Variants in SLC39A14 observed in about 807,000 individuals in gnomAD.
The protein encoded by SLC39A14 is metal cation symporter ZIP14.
A neutral mutation model predicts 45.5 loss-of-function variants in SLC39A14; 19 were observed. The ratio of observed to expected loss-of-function variants is 0.42; its 90% confidence interval spans 0.29 to 0.61. The LOEUF (loss-of-function observed/expected upper bound fraction) is 0.61, where lower values mean the gene tolerates loss of function less well. Ranked by LOEUF, SLC39A14 falls within the 20% of genes least tolerant of loss-of-function variation. The pLI is 0.22. For synonymous variants in SLC39A14, 264 were observed against 251.3 expected (o/e 1.05, Z -0.48); for missense variants, 447 against 616.5 (o/e 0.73, Z 2.91).
chr8:22,421,710 A>G lies in SLC39A14; in HGVS notation c.*2012A>G. ...TAACTCGCATTGATGTATTAAATTT[A>G]TAATTTTAGCATTCCCAATAGATCC... On this transcript the variant is annotated 3_prime_UTR_variant, in exon 9 of 9. Coordinates refer to ENST00000381237, the MANE Select transcript of SLC39A14 (RefSeq NM_001128431.4). The G allele has an allele frequency of 1.0e-6, 1 of 984,770 alleles. No individual in the cohort carries two copies. Among genetic ancestry groups the G allele is most frequent in the South Asian group, 4.7e-5 (1 of 21,268 alleles). 61.0% of individuals were successfully genotyped at this position (984,770 alleles called of 1,614,324 possible).
Position 22,375,390 on chromosome 8 carries a change from GT to G in SLC39A14, c.-16+7992del, listed in dbSNP as rs374421863. Among the ~76,000 whole-genome samples the G allele has an allele frequency of 9.9e-3, 1,432 of 145,344 alleles. 21 individuals are homozygous for G. Among genetic ancestry groups the G allele is most frequent in the African/African-American group, 0.034 (1,360 of 39,862 alleles). On this transcript the variant is annotated intron_variant, in intron 1 of 8. Transcript: ENST00000381237. ...CATATTGGCATATTTCCTTACAGTTGTTTTTTTTTTGGGGGGAGGGGATACA... is the reference window on the plus strand; with the variant it reads ...CATATTGGCATATTTCCTTACAGTTGTTTTTTTTTGGGGGGAGGGGATACA...
At chr8:22,430,800 G>A (rs1479465699) in intron 8 of SLC39A14, among the ~76,000 whole-genome samples, 5 of 151,840 alleles carry the variant, frequency 3.3e-5, no homozygotes, top group African/African-American at 1.2e-4. Flanking sequence ...AGCCTCCTGT[G>A]TAGTTGGGAT....
At chr8:22,385,215 T>G (rs1223747327) in intron 1 of SLC39A14, among the ~76,000 whole-genome samples, 1 of 152,144 alleles carries the variant, frequency 6.6e-6, no homozygotes, top group African/African-American at 2.4e-5. Context: ...CAAGGTTGCT[T>G]GTAGTTCACC....
intron 1 of SLC39A14, among the ~76,000 whole-genome samples, chr8:22,375,747 C>T (rs1833183398): frequency 6.6e-6 from 1 of 152,174 alleles, no homozygotes; most frequent in Admixed American, 6.5e-5. Context: ...CTTGGCTTAC[C>T]AAAGTGCTGG....
chr8:22,397,483 C>A (rs1047629262), intron 1 of SLC39A14, among the ~76,000 whole-genome samples: 1 of 152,012 alleles, frequency 6.6e-6, no homozygotes, highest in Non-Finnish European at 1.5e-5. Flanking sequence ...GAGGCTGAGG[C>A]GGGAGAATGG....
chr8:22,386,267 CT>C (rs113517662), intron 1 of SLC39A14, among the ~76,000 whole-genome samples: 4,979 of 131,788 alleles, frequency 0.038, 191 homozygotes, highest in African/African-American at 0.12. Context: ...AGAAGGATGA[CT>C]TTTTTTTTTT....
At chr8:22,412,283 T>C (rs1402242816) in intron 4 of SLC39A14, 77 bp downstream of exon 4, 2 of 1,434,090 alleles carry the variant, frequency 1.4e-6, no homozygotes, top group South Asian at 1.3e-5. Context: ...ATAGAAGGCA[T>C]AGAGAGGGCA....
rs928541870 is a variant in SLC39A14 at position 22,421,378 on chromosome 8, CTTTT to C, written c.*1684_*1687del. 9 of 985,666 alleles carry C rather than the reference CTTTT, an allele frequency of 9.1e-6. No individual in the cohort carries two copies. The South Asian group carries it at 1.4e-4, about 15-fold the overall frequency. 61.1% of individuals were successfully genotyped at this position (985,666 alleles called of 1,614,324 possible). A position where few individuals can be genotyped will look rare whatever the true frequency, so the allele number is the denominator to read the frequency against. On this transcript the variant is annotated 3_prime_UTR_variant, in exon 9 of 9. Transcript: ENST00000381237. ...TGAGCAGGAAAAACTGCTGGTGATA[CTTTT>C]TTTAAGTTTTGTTTTTATCTTGCCT...
intron 1 of SLC39A14, chr8:22,390,548 A>C (rs1159771284): frequency 6.5e-6 from 1 of 152,852 alleles, no homozygotes; most frequent in Non-Finnish European, 1.5e-5. Context: ...TGATCTGCCC[A>C]CCTCGGCCTC....
At chr8:22,398,207 C>A (rs139690422) in intron 1 of SLC39A14, 1 of 152,166 alleles carries the variant, frequency 6.6e-6, no homozygotes, top group Non-Finnish European at 1.5e-5. Context: ...TTGTGTAGAC[C>A]ATCAGCCTTC....
rs188857128 is a variant in SLC39A14, at chr8:22,407,861, C to T, written c.271-449C>T. ...CAGTAGTTGAGAGTACAGGTATGTG[C>T]CGCCACACCTCACTAATTTTTCAAC... On this transcript the variant is annotated intron_variant, in intron 2 of 8. Coordinates refer to ENST00000381237, the MANE Select transcript of SLC39A14 (RefSeq NM_001128431.4). Among the ~76,000 whole-genome samples, 28 of 152,080 alleles carry T rather than the reference C, an allele frequency of 1.8e-4. 1 individual carries two copies. In the East Asian group the frequency reaches 4.5e-3, roughly 24 times the overall value.
intron 2 of SLC39A14, among the ~76,000 whole-genome samples, 194 bp downstream of exon 2, chr8:22,405,174 A>C (rs1348601087): frequency 6.6e-6 from 1 of 152,250 alleles, no homozygotes; most frequent in Non-Finnish European, 1.5e-5. Flanking sequence ...AGTCTTCTGC[A>C]GCACCTTCTG....
Position 22,422,284 on chromosome 8 carries a change from C to T in SLC39A14, c.*2586C>T. 1 of 985,650 alleles carries T rather than the reference C, an allele frequency of 1.0e-6. No individual in the cohort carries two copies. Among genetic ancestry groups the T allele is most frequent in the Non-Finnish European group, 1.2e-6 (1 of 829,942 alleles). 61.1% of individuals were successfully genotyped at this position (985,650 alleles called of 1,614,324 possible). A position where few individuals can be genotyped will look rare whatever the true frequency, so the allele number is the denominator to read the frequency against. On this transcript the variant is annotated 3_prime_UTR_variant, in exon 9 of 9. Transcript: ENST00000381237. ...CAGGGACAGGGGTTCTGCTCCTTCT[C>T]ACTTCACCACCGGCACACAGCTTGC...
At position 22,419,848 on chromosome 8, in the gene SLC39A14, T is replaced by C; in HGVS notation, c.*150T>C. 7.3e-7 allele frequency: 1 copy of C among 1,367,234 alleles called. No homozygotes were observed. The highest frequency in any genetic ancestry group is 9.4e-7 in the Non-Finnish European group (1 of 1,062,932). The allele number at this position is 1,367,234 out of a possible 1,614,324, so 84.7% of individuals were successfully genotyped here. ...ATTCCTGCATTCAAATGTCAGCCGT[T>C]TGTAAAATGCTGTATCCTAGGAATA... On this transcript the variant is annotated 3_prime_UTR_variant, in exon 9 of 9. Transcript: ENST00000381237.
At chr8:22,380,453 A>C (rs1833444585) in intron 1 of SLC39A14, among the ~76,000 whole-genome samples, 1 of 152,188 alleles carries the variant, frequency 6.6e-6, no homozygotes, top group Non-Finnish European at 1.5e-5. Flanking sequence ...GCACCTCTCT[A>C]GCCCGAGGTG....
chr8:22,410,293 C>T (rs1835495452), intron 3 of SLC39A14, among the ~76,000 whole-genome samples: 2 of 152,152 alleles, frequency 1.3e-5, no homozygotes, highest in Admixed American at 1.3e-4. Flanking sequence ...GCCCACCTCT[C>T]ACTCCTCTGG....
At chr8:22,409,503 C>T (rs1835439544) in intron 3 of SLC39A14, among the ~76,000 whole-genome samples, 1 of 152,164 alleles carries the variant, frequency 6.6e-6, no homozygotes, top group Non-Finnish European at 1.5e-5. Context: ...CTGCCTCAGC[C>T]TCCTGAGTAG....
downstream of SLC39A14, among the ~76,000 whole-genome samples, chr8:22,423,590 C>G (rs1338886592): frequency 6.6e-6 from 1 of 152,144 alleles, no homozygotes; most frequent in African/African-American, 2.4e-5. Flanking sequence ...CTGCCTCGGC[C>G]TCCCAAAGTG....
At chr8:22,405,237 G>T (rs1364985436) in intron 2 of SLC39A14, among the ~76,000 whole-genome samples, 1 of 152,252 alleles carries the variant, frequency 6.6e-6, no homozygotes, top group African/African-American at 2.4e-5. Flanking sequence ...CTGGGGCTGG[G>T]CACAGTGGCT....
Sources: allele counts gnomAD v4.1 joint callset (sites outside exome capture counted in the v4.1 genomes callset), GRCh38; gene constraint gnomAD v4.1.1; transcripts MANE v1.5; gene names NCBI Gene and HGNC (gene_info 2026-07-23, HGNC 2026-07-21).